BPIFC: variants seen among roughly 807,000 people sequenced by gnomAD.
BPIFC encodes the protein BPI fold-containing family C protein.
In BPIFC, 60 loss-of-function variants were observed where a neutral mutation model predicts 57.6. The observed-to-expected ratio is 1.04, with a 90% CI of 0.85 to 1.29. The LOEUF is 1.29. Ranked by LOEUF, BPIFC falls within the 50% of genes most tolerant of loss-of-function variation. The pLI, the probability that BPIFC is intolerant of heterozygous loss-of-function variation, is 0.00. For synonymous variants in BPIFC, 243 were observed against 224.5 expected (o/e 1.08, Z -0.74); for missense variants, 581 against 600.5 (o/e 0.97, Z 0.34).
intron 1 of BPIFC, among the ~76,000 whole-genome samples, chr22:32,463,715 C>A (rs5998500): frequency 6.6e-6 from 1 of 151,978 alleles, no homozygotes; most frequent in Non-Finnish European, 1.5e-5. Flanking sequence ...ACAAAATGAC[C>A]GTACATAAGA....
At chr22:32,461,180 C>T (rs930568689) in intron 2 of BPIFC, among the ~76,000 whole-genome samples, 1 of 152,184 alleles carries the variant, frequency 6.6e-6, no homozygotes, top group Non-Finnish European at 1.5e-5. Flanking sequence ...AGAGTATTGG[C>T]TCCTTACCCT....
chr22:32,443,503 G>C (rs569236435), intron 7 of BPIFC, among the ~76,000 whole-genome samples: 2 of 152,318 alleles, frequency 1.3e-5, no homozygotes, highest in African/African-American at 4.8e-5. Context: ...GCTAGTTGGA[G>C]AGCACATTAT....
chr22:32,424,628 C>CTCT (rs1342363595), intron 13 of BPIFC, among the ~76,000 whole-genome samples: 1 of 49,262 alleles, frequency 2.0e-5, no homozygotes, highest in Admixed American at 1.8e-4. Flanking sequence ...CCTCCTCCTC[C>CTCT]TCTTCTTCTT....
chr22:32,414,573 G>A (rs575485602), intron 16 of BPIFC, 148 bp from the exon 17 acceptor site: 2 of 1,009,306 alleles, frequency 2.0e-6, no homozygotes, highest in South Asian at 3.4e-5. Context: ...GAGTGTGGTG[G>A]TGCGATCTTG....
chr22:32,439,509 CTTT>C (rs887444163), intron 8 of BPIFC, among the ~76,000 whole-genome samples: 1 of 152,148 alleles, frequency 6.6e-6, no homozygotes, highest in Non-Finnish European at 1.5e-5. Flanking sequence ...CATGTCTTCT[CTTT>C]TCTTGCATGT....
intron 5 of BPIFC, chr22:32,446,915 G>T: frequency 1.6e-6 from 1 of 620,982 alleles, no homozygotes; most frequent in Non-Finnish European, 2.0e-6. Context: ...ATTTGTGGGT[G>T]ATCGAAAATG....
intron 7 of BPIFC, among the ~76,000 whole-genome samples, chr22:32,444,242 A>G (rs1430569352): frequency 6.6e-6 from 1 of 152,146 alleles, no homozygotes; most frequent in African/African-American, 2.4e-5. Context: ...GCACTTTGCC[A>G]GGGACTCTAA....
intron 9 of BPIFC, among the ~76,000 whole-genome samples, chr22:32,436,846 T>A (rs998179037): frequency 1.3e-5 from 2 of 152,212 alleles, no homozygotes; most frequent in African/African-American, 4.8e-5. Flanking sequence ...CTGCTCTCAT[T>A]AGCTATAGGG....
At chr22:32,445,370 T>C (rs779665376) in intron 7 of BPIFC, among the ~76,000 whole-genome samples, 1 of 152,028 alleles carries the variant, frequency 6.6e-6, no homozygotes, top group African/African-American at 2.4e-5. Context: ...ACCCCGTCTC[T>C]ACTAAAAATA....
chr22:32,448,060 T>A (rs910006426), intron 4 of BPIFC, among the ~76,000 whole-genome samples: 3 of 147,024 alleles, frequency 2.0e-5, no homozygotes, highest in African/African-American at 7.5e-5. Context: ...GCCCAGCTAT[T>A]TTTTTTCTTT....
At chr22:32,456,364 C>T (rs1447333644) in intron 3 of BPIFC, among the ~76,000 whole-genome samples, 1 of 152,082 alleles carries the variant, frequency 6.6e-6, no homozygotes, top group Admixed American at 6.6e-5. Flanking sequence ...AAGGAGTTGT[C>T]TCTAAATCCT....
At chr22:32,419,803 C>CAAA (rs34812283) in intron 13 of BPIFC, among the ~76,000 whole-genome samples, 71 of 102,372 alleles carry the variant, frequency 6.9e-4, no homozygotes, top group African/African-American at 2.4e-3. Context: ...GAGACCCTGT[C>CAAA]AAAAAAAAAA....
In BPIFC at chr22:32,453,965, G is replaced by T. The variant is rs371580535; in HGVS notation, c.125-462C>A. Among the ~76,000 whole-genome samples the T allele has an allele frequency of 1.1e-3, 163 of 152,088 alleles. 5 individuals carry two copies. The South Asian group carries it at 0.031, about 28-fold the overall frequency. Reference sequence around the variant, plus strand: ...AACAAAAAAAAAAATTAAAAAATTAGCTGGGCATAATGGTGCATGTCTATA... The same window carrying T: ...AACAAAAAAAAAAATTAAAAAATTATCTGGGCATAATGGTGCATGTCTATA... On this transcript the variant is annotated intron_variant, in intron 3 of 16. Coordinates refer to ENST00000300399, the MANE Select transcript of BPIFC (RefSeq NM_174932.3).
Position 32,428,439 on chromosome 22 carries a change from T to C in BPIFC, c.1217+2908A>G, listed in dbSNP as rs1601452502. ...GTGTGCCACCCTGCCCGGCCTCTCA[T>C]GGGCTTTTAAAGTATTGTGGCTCTA... On this transcript the variant is annotated intron_variant, in intron 13 of 16. Coordinates refer to ENST00000300399, the MANE Select transcript of BPIFC (RefSeq NM_174932.3). Among the ~76,000 whole-genome samples, 5 of 151,764 alleles carry C rather than the reference T, an allele frequency of 3.3e-5. No individual in the cohort carries two copies. In the East Asian group the frequency reaches 9.8e-4, roughly 30 times the overall value.
chr22:32,415,937 T>C lies in BPIFC; in HGVS notation c.1379A>G (p.Asn460Ser), dbSNP rs1259110804. 8.2e-6 allele frequency: 13 copies of C among 1,593,442 alleles called. No homozygotes were observed. The highest frequency in any genetic ancestry group is 2.3e-5 in the South Asian group (2 of 87,682). The change falls in exon 16 of 17, where the codon AAT becomes AGT. Residue 460 changes from asparagine (N) to serine (S), a missense_variant. Asn to Ser is a conservative substitution (Grantham distance 46, BLOSUM62 1). Transcript: ENST00000300399. ...LSNPHKFLFV[N>S]SDIEVLEGFL... ...TACCTCAAGAACTTCAATATCTGAA[T>C]TGACGAATAAGAATTTGTGTGGATT... is the stretch of plus-strand genomic sequence containing the variant.
At chr22:32,436,864 A>G (rs1934418533) in intron 9 of BPIFC, among the ~76,000 whole-genome samples, 1 of 152,180 alleles carries the variant, frequency 6.6e-6, no homozygotes, top group African/African-American at 2.4e-5. Context: ...GGGCGTTATT[A>G]CAAAATATTG....
intron 13 of BPIFC, among the ~76,000 whole-genome samples, chr22:32,420,866 G>A (rs543648174): frequency 9.7e-4 from 147 of 152,186 alleles, no homozygotes; most frequent in Non-Finnish European, 1.8e-3. Flanking sequence ...AATTAAAAAA[G>A]AACAATACCT....
chr22:32,462,248 T>C (rs1935183844), intron 1 of BPIFC, among the ~76,000 whole-genome samples: 1 of 126,210 alleles, frequency 7.9e-6, no homozygotes, highest in African/African-American at 3.0e-5. Context: ...TGGAATGCAA[T>C]GGGAAAGAAT....
intron 2 of BPIFC, among the ~76,000 whole-genome samples, chr22:32,461,071 G>A (rs990180648): frequency 6.6e-6 from 1 of 152,206 alleles, no homozygotes; most frequent in Admixed American, 6.5e-5. Flanking sequence ...CCTGGAGCAG[G>A]GGCCAGGAAG....
Sources: allele counts gnomAD v4.1 joint callset (sites outside exome capture counted in the v4.1 genomes callset), GRCh38; gene constraint gnomAD v4.1.1; transcripts MANE v1.5; gene names NCBI Gene and HGNC (gene_info 2026-07-23, HGNC 2026-07-21).